Variants in PBX1 observed in about 807,000 individuals in gnomAD.
PBX1 encodes pre-B-cell leukemia transcription factor 1.
Under a neutral mutation model 53.4 loss-of-function variants are expected in PBX1, and 6 were observed. That is an observed-to-expected ratio of 0.11 (90% CI 0.06 to 0.22). PBX1 has a LOEUF of 0.22. PBX1 is among the 10% of genes least tolerant of loss of function. PBX1 has a pLI of 1.00. For missense variants in PBX1, 251 were observed against 551.4 expected, an observed-to-expected ratio of 0.46 and a Z score of 5.46; for synonymous variants, 204 against 212.3, an observed-to-expected ratio of 0.96 and a Z score of 0.34.
chr1:164,665,992 G>A (rs555673980), intron 2 of PBX1, among the ~76,000 whole-genome samples: 28 of 152,240 alleles, frequency 1.8e-4, no homozygotes, highest in South Asian at 1.0e-3. Context: ...CAAAATTGTC[G>A]TGCCTTAAAG....
chr1:164,790,380 T>C (rs890737146), intron 2 of PBX1, among the ~76,000 whole-genome samples: 1 of 152,182 alleles, frequency 6.6e-6, no homozygotes, highest in Admixed American at 6.5e-5. Flanking sequence ...CCTCCTAACC[T>C]TTTGCCGTCA....
intron 2 of PBX1, among the ~76,000 whole-genome samples, chr1:164,697,134 A>G (rs1662842176): frequency 6.6e-6 from 1 of 152,206 alleles, no homozygotes; most frequent in African/African-American, 2.4e-5. Context: ...GCTATTTTAC[A>G]TTCATTATCT....
At chr1:164,573,009 C>G (rs1653979703) in intron 2 of PBX1, among the ~76,000 whole-genome samples, 1 of 152,180 alleles carries the variant, frequency 6.6e-6, no homozygotes, top group Non-Finnish European at 1.5e-5. Flanking sequence ...TCACACCCCC[C>G]TCCCCTACTT....
chr1:164,586,114 G>GTGAT (rs1192395671), intron 2 of PBX1, among the ~76,000 whole-genome samples: 1 of 152,168 alleles, frequency 6.6e-6, no homozygotes, highest in Non-Finnish European at 1.5e-5. Flanking sequence ...GTAAATGTAG[G>GTGAT]TGATTGCTCT....
chr1:164,597,236 A>T (rs1292115199), intron 2 of PBX1, among the ~76,000 whole-genome samples: 1 of 152,168 alleles, frequency 6.6e-6, no homozygotes, highest in East Asian at 1.9e-4. Flanking sequence ...CAGTTACCTC[A>T]CTTCTTCAGC....
At chr1:164,882,997 C>T (rs993551221) in intron 2 of PBX1, among the ~76,000 whole-genome samples, 3 of 152,164 alleles carry the variant, frequency 2.0e-5, no homozygotes, top group East Asian at 1.9e-4. Flanking sequence ...TAAAAGCTAC[C>T]GAACTAAAGG....
chr1:164,561,120 A>T (rs1317749922), intron 1 of PBX1, among the ~76,000 whole-genome samples: 1 of 152,236 alleles, frequency 6.6e-6, no homozygotes, highest in Non-Finnish European at 1.5e-5. Context: ...ATGTCTGTAC[A>T]ATTACCCAGC....
intron 2 of PBX1, among the ~76,000 whole-genome samples, chr1:164,612,335 T>C (rs1319628015): frequency 6.6e-6 from 1 of 152,126 alleles, no homozygotes; most frequent in Non-Finnish European, 1.5e-5. Context: ...TGCGTCGCCA[T>C]TGAGCAGCTG....
chr1:164,807,280 G>A (rs1024999430), intron 4 of PBX1, among the ~76,000 whole-genome samples: 2 of 152,046 alleles, frequency 1.3e-5, no homozygotes, highest in African/African-American at 2.4e-5. Context: ...AAGATGGCCC[G>A]AATTTTGAAA....
At chr1:164,812,529 C>G (rs1669665623) in intron 6 of PBX1, among the ~76,000 whole-genome samples, 1 of 152,230 alleles carries the variant, frequency 6.6e-6, no homozygotes, top group South Asian at 2.1e-4. Flanking sequence ...AAGCTTTTAT[C>G]CTTGTCAGTT....
chr1:164,874,485 GTTTC>G (rs1166265337), intron 2 of PBX1, among the ~76,000 whole-genome samples: 1 of 151,976 alleles, frequency 6.6e-6, no homozygotes, highest in African/African-American at 2.4e-5. Context: ...TTGTTCGTTT[GTTTC>G]TTTCTTTCTT....
chr1:164,647,022 A>G (rs1659495031), intron 2 of PBX1, among the ~76,000 whole-genome samples: 1 of 152,206 alleles, frequency 6.6e-6, no homozygotes, highest in Admixed American at 6.5e-5. Context: ...GGGCAGCCCT[A>G]CAGGCTCGGG....
In PBX1 at chr1:164,745,765, G is replaced by A. The variant is rs924275938; in HGVS notation, c.266-46729G>A. 4.6e-5 allele frequency among the ~76,000 whole-genome samples: 7 copies of A among 152,326 alleles called. No individual in the cohort carries two copies. The South Asian group carries it at 6.2e-4, about 14-fold the overall frequency. ...AGAGCTGAGAGCCCATCTGCGATAGGACTTTTCCAAGAGCCTTCAGAAAAG... is the reference window on the plus strand; with the variant it reads ...AGAGCTGAGAGCCCATCTGCGATAGAACTTTTCCAAGAGCCTTCAGAAAAG... On this transcript the variant is annotated intron_variant, in intron 2 of 8. Transcript: ENST00000420696.
chr1:164,753,451 T>A (rs892059549), intron 2 of PBX1, among the ~76,000 whole-genome samples: 1 of 152,228 alleles, frequency 6.6e-6, no homozygotes, highest in Non-Finnish European at 1.5e-5. Flanking sequence ...TTGTTGTTTC[T>A]CATTATTTTG....
intron 2 of PBX1, among the ~76,000 whole-genome samples, chr1:164,865,584 G>T (rs1194618672): frequency 6.6e-6 from 1 of 152,150 alleles, no homozygotes; most frequent in East Asian, 1.9e-4. Context: ...CTCTAAGTAG[G>T]TGCTATTATT....
intron 2 of PBX1, among the ~76,000 whole-genome samples, chr1:164,613,912 T>C (rs1657102235): frequency 6.6e-6 from 1 of 151,934 alleles, no homozygotes; most frequent in African/African-American, 2.4e-5. Context: ...ACAGTGGAGA[T>C]CCCAGTATGC....
intron 2 of PBX1, among the ~76,000 whole-genome samples, chr1:164,880,546 G>T (rs542090054): frequency 6.6e-6 from 1 of 152,292 alleles, no homozygotes; most frequent in South Asian, 2.1e-4. Flanking sequence ...CTTTTTCCCA[G>T]CACTCCCATC....
intron 4 of PBX1, among the ~76,000 whole-genome samples, chr1:164,800,552 G>C (rs1669020180): frequency 1.3e-5 from 2 of 152,194 alleles, no homozygotes. Flanking sequence ...GACAAGAACT[G>C]AGAACACAGA....
intron 2 of PBX1, among the ~76,000 whole-genome samples, chr1:164,679,934 TTTA>T (rs1400380430): frequency 1.3e-5 from 2 of 151,638 alleles, no homozygotes; most frequent in Admixed American, 6.6e-5. Context: ...CTGGTTTTTT[TTTA>T]TTTGTCTGAA....
Sources: gnomAD v4.1 joint callset for allele counts (sites outside exome capture counted in the v4.1 genomes callset) on GRCh38, gnomAD v4.1.1 for gene constraint, MANE v1.5 for transcripts, NCBI Gene and HGNC (gene_info 2026-07-23, HGNC 2026-07-21) for gene names.